Variants in CLVS1 observed in about 807,000 individuals in gnomAD.
CLVS1 encodes the protein clavesin 1.
Under a neutral mutation model 33.1 loss-of-function variants are expected in CLVS1, and 10 were observed. That is an observed-to-expected ratio of 0.30 (90% CI 0.19 to 0.51). The LOEUF is 0.51. Ranked by LOEUF, CLVS1 falls within the 20% of genes least tolerant of loss-of-function variation. The probability of loss-of-function intolerance (pLI) is 0.97; values close to 1 mark genes in which losing one functional copy is unlikely to be tolerated. For missense variants in CLVS1, 343 were observed against 433.4 expected (o/e 0.79, Z 1.85); for synonymous variants, 163 against 166.1 (o/e 0.98, Z 0.14).
chr8:61,033,644 A>G, the CLVS1 span, among the ~76,000 whole-genome samples: 1 of 152,130 alleles, frequency 6.6e-6, no homozygotes, highest in South Asian at 2.1e-4. Context: ...CATGGTCTGG[A>G]ACAGCCTGGG....
At chr8:61,136,199 C>T (rs1806188375) in intron 2 of CLVS1, among the ~76,000 whole-genome samples, 1 of 152,196 alleles carries the variant, frequency 6.6e-6, no homozygotes. Flanking sequence ...GGAAGAGTAT[C>T]ACTGGAGGGT....
chr8:61,466,104 G>A (rs1817540371), intron 5 of CLVS1, among the ~76,000 whole-genome samples: 1 of 152,192 alleles, frequency 6.6e-6, no homozygotes, highest in African/African-American at 2.4e-5. Flanking sequence ...TTTAGGCTTG[G>A]AGAATAGGTA....
chr8:61,001,357 G>A, the CLVS1 span, among the ~76,000 whole-genome samples: 5 of 152,284 alleles, frequency 3.3e-5, no homozygotes, highest in East Asian at 7.7e-4. Context: ...ACATCAGAAT[G>A]ATGACTAAGA....
At chr8:61,087,082 C>T (rs181771677) in intron 1 of CLVS1, among the ~76,000 whole-genome samples, 1 of 152,214 alleles carries the variant, frequency 6.6e-6, no homozygotes, top group Admixed American at 6.5e-5. Flanking sequence ...GCCTGAACTC[C>T]ATCCTCCAGC....
rs1806973288 is a variant in CLVS1, at chr8:61,170,514, G to T, written c.-152+38654G>T. ...AACATGTATGACAAATCACTGTGAA[G>T]AATTCCTTATATGGTGCCATATTTG... is the stretch of plus-strand genomic sequence containing the variant. On this transcript the variant is annotated intron_variant, in intron 2 of 2. Transcript: ENST00000522621. Among the ~76,000 whole-genome samples the T allele has an allele frequency of 2.6e-5, 4 of 152,150 alleles. No homozygotes were observed. The South Asian group carries it at 8.3e-4, about 31-fold the overall frequency.
intron 2 of CLVS1, among the ~76,000 whole-genome samples, chr8:61,356,258 G>A (rs1210186960): frequency 3.3e-5 from 5 of 152,110 alleles, no homozygotes; most frequent in African/African-American, 1.2e-4. Flanking sequence ...TTTTGATGGG[G>A]TTGTTTGTTT....
the CLVS1 span, among the ~76,000 whole-genome samples, chr8:61,035,398 A>G: frequency 2.0e-5 from 3 of 152,130 alleles, no homozygotes; most frequent in East Asian, 5.8e-4. Context: ...TGATGAGAAG[A>G]CACCAAAGAG....
intron 3 of CLVS1, among the ~76,000 whole-genome samples, chr8:61,397,375 G>C (rs1489033069): frequency 6.6e-6 from 1 of 151,982 alleles, no homozygotes; most frequent in Non-Finnish European, 1.5e-5. Flanking sequence ...TTCAAATCTT[G>C]TGCCAACTTT....
At chr8:61,289,344 G>A (rs547343710) in intron 1 of CLVS1, among the ~76,000 whole-genome samples, 8 of 152,200 alleles carry the variant, frequency 5.3e-5, no homozygotes, top group Non-Finnish European at 8.8e-5. Context: ...CCTTTCAAAT[G>A]TCTGATTAAT....
intron 2 of CLVS1, among the ~76,000 whole-genome samples, chr8:61,152,282 A>G (rs1806553507): frequency 6.6e-6 from 1 of 152,174 alleles, no homozygotes; most frequent in Non-Finnish European, 1.5e-5. Flanking sequence ...TTGCTCTTGT[A>G]TCTCTTCTTG....
At chr8:61,444,741 A>T (rs80279356) in intron 3 of CLVS1, among the ~76,000 whole-genome samples, 1 of 152,186 alleles carries the variant, frequency 6.6e-6, no homozygotes, top group Admixed American at 6.5e-5. Context: ...TGTGATTTTC[A>T]TAGGAAAGAA....
At chr8:61,383,975 A>G (rs912695752) in intron 3 of CLVS1, among the ~76,000 whole-genome samples, 3 of 152,214 alleles carry the variant, frequency 2.0e-5, no homozygotes, top group African/African-American at 7.2e-5. Flanking sequence ...TATTTGGAAA[A>G]AGAGACATGT....
intron 3 of CLVS1, among the ~76,000 whole-genome samples, chr8:61,394,779 G>C (rs1224485573): frequency 6.6e-6 from 1 of 152,124 alleles, no homozygotes. Flanking sequence ...CATAATGGCT[G>C]TACCAATTTA....
At chr8:61,434,962 A>G (rs1816266928) in intron 3 of CLVS1, among the ~76,000 whole-genome samples, 1 of 152,254 alleles carries the variant, frequency 6.6e-6, no homozygotes, top group Admixed American at 6.5e-5. Context: ...TTTTGGGTCT[A>G]AATATTTTTT....
intron 5 of CLVS1, among the ~76,000 whole-genome samples, chr8:61,471,374 G>T (rs968316402): frequency 1.3e-5 from 2 of 152,052 alleles, no homozygotes; most frequent in African/African-American, 4.8e-5. Context: ...TCACGGTTTT[G>T]ATTTCTTTCC....
chr8:61,112,944 G>C (rs1263341354), intron 1 of CLVS1, among the ~76,000 whole-genome samples: 1 of 152,152 alleles, frequency 6.6e-6, no homozygotes, highest in Non-Finnish European at 1.5e-5. Flanking sequence ...GAAAGTTTTC[G>C]ATGCTTGGTG....
At chr8:61,305,082 G>A (rs1364448396) in intron 2 of CLVS1, among the ~76,000 whole-genome samples, 2 of 152,092 alleles carry the variant, frequency 1.3e-5, no homozygotes, top group African/African-American at 4.8e-5. Context: ...CACCTGTACA[G>A]TAGGGGTGAT....
chr8:61,490,639 CAG>C (rs1351335643), intron 5 of CLVS1, among the ~76,000 whole-genome samples: 52 of 133,640 alleles, frequency 3.9e-4, no homozygotes, highest in African/African-American at 1.4e-3. Context: ...GCCTGGGTGA[CAG>C]AGCGAGATCC....
intron 2 of CLVS1, among the ~76,000 whole-genome samples, chr8:61,315,826 C>T (rs1313970244): frequency 3.3e-5 from 5 of 152,090 alleles, no homozygotes; most frequent in Non-Finnish European, 7.4e-5. Flanking sequence ...GTTTGCTGCA[C>T]CCATCAACCC....
Sources: allele counts gnomAD v4.1 joint callset (sites outside exome capture counted in the v4.1 genomes callset), GRCh38; gene constraint gnomAD v4.1.1; transcripts MANE v1.5; gene names NCBI Gene and HGNC (gene_info 2026-07-23, HGNC 2026-07-21).